The following SGK1 variants were observed in gnomAD, a reference collection of about 807,000 sequenced individuals.
The protein encoded by SGK1 is serine/threonine-protein kinase Sgk1.
In SGK1, 26 loss-of-function variants were observed where a neutral mutation model predicts 64.2. The observed-to-expected ratio is 0.40, with a 90% confidence interval of 0.30 to 0.56. SGK1 has a LOEUF of 0.56. Among genes scored for constraint, SGK1 ranks in the 20% least tolerant of loss-of-function variants. The pLI, the probability that SGK1 is intolerant of heterozygous loss-of-function variation, is 0.38. For missense variants in SGK1, 519 were observed against 645.6 expected (o/e 0.80, Z 2.12); for synonymous variants, 265 against 239.7 (o/e 1.11, Z -0.98).
chr6:134,242,737 T>C (rs906976170), intron 2 of SGK1, among the ~76,000 whole-genome samples: 2 of 152,160 alleles, frequency 1.3e-5, no homozygotes, highest in Non-Finnish European at 2.9e-5. Context: ...AGTGTTGGGA[T>C]TACAGGCGTG....
rs745773924 is a variant in SGK1 at position 134,317,433 on chromosome 6, G to A, written c.28C>T (p.Pro10Ser). ...TGGAAGGCTGAGCATTTCTTGACTGGGAATCCATTCATGTCTTTGTTTACC... is the reference window on the plus strand; with the variant it reads ...TGGAAGGCTGAGCATTTCTTGACTGAGAATCCATTCATGTCTTTGTTTACC... MVNKDMNGF[P>S]VKKCSAFQFF... is the part of the protein sequence containing the mutation. Residue 10 changes from proline (P) to serine (S), a missense_variant, in exon 1 of 14, where the codon CCA becomes TCA. By Grantham distance (74) the Pro-to-Ser change is moderately conservative. This residue lies in a region of SGK1 where 241 missense variants were observed against 236.9 expected (regional missense o/e 1.02). Transcript: ENST00000367858. The A allele has an allele frequency of 1.2e-6, 2 of 1,610,810 alleles. No homozygotes were observed. Among genetic ancestry groups the A allele is most frequent in the Non-Finnish European group, 1.7e-6 (2 of 1,176,944 alleles).
chr6:134,291,124 G>C (rs1008783247), intron 1 of SGK1, among the ~76,000 whole-genome samples: 2 of 152,096 alleles, frequency 1.3e-5, no homozygotes, highest in African/African-American at 4.8e-5. Flanking sequence ...TTGCATATTA[G>C]ATACTGAGCT....
rs150628142 is a variant in SGK1 at position 134,178,757 on chromosome 6, C to T, written c.362-4171G>A. 7.0e-3 allele frequency among the ~76,000 whole-genome samples: 1,072 copies of T among 152,324 alleles called. 15 individuals are homozygous for T. Among genetic ancestry groups the T allele is most frequent in the African/African-American group, 0.025 (1,033 of 41,554 alleles). On this transcript the variant is annotated intron_variant, in intron 3 of 13. Coordinates refer to ENST00000367858, the MANE Select transcript of SGK1 (RefSeq NM_001143676.3). ...TGGTCCAGGGAATTTCTCTACAACA[C>T]CTTGTGCAGTCATAGAAAATATAGA...
chr6:134,317,215 C>T (rs1777699811), intron 1 of SGK1, among the ~76,000 whole-genome samples, 177 bp downstream of exon 1: 2 of 152,234 alleles, frequency 1.3e-5, no homozygotes, highest in East Asian at 3.9e-4. Flanking sequence ...GCCCCCTGCC[C>T]CTCCTCCAAC....
In SGK1 at chr6:134,191,980, G is replaced by A. The variant is rs541286898; in HGVS notation, c.361+15376C>T. On this transcript the variant is annotated intron_variant, in intron 3 of 13. Transcript: ENST00000367858. ...CTCCCAAGTAGCTGGGACGGGGCCC[G>A]CCACCATGCCCAGCTAATTTTTGTA... is the stretch of plus-strand genomic sequence containing the variant. Among the ~76,000 whole-genome samples the A allele has an allele frequency of 5.9e-5, 9 of 151,846 alleles. No homozygotes were observed. The East Asian group carries it at 1.4e-3, about 23-fold the overall frequency.
At chr6:134,204,835 TGA>T (rs1317241935) in intron 3 of SGK1, among the ~76,000 whole-genome samples, 10 of 152,216 alleles carry the variant, frequency 6.6e-5, no homozygotes, top group Non-Finnish European at 1.3e-4. Context: ...ATTGCAGGCA[TGA>T]GCCACCACAC....
At position 134,169,657 on chromosome 6, in the gene SGK1, A is replaced by G. The variant is rs759800888; in HGVS notation, c.*611T>C. The G allele has an allele frequency of 6.5e-6, 1 of 152,696 alleles. No homozygotes were observed. The highest frequency in any genetic ancestry group is 2.4e-5 in the African/African-American group (1 of 41,466). 9.5% of individuals were successfully genotyped at this position (152,696 alleles called of 1,614,324 possible). ...TACGAGTCATTGCAAGACCATTTCA[A>G]TAAATTTTAGTTATTAACCGTATCT... On this transcript the variant is annotated 3_prime_UTR_variant, in exon 14 of 14. Coordinates refer to ENST00000367858, the MANE Select transcript of SGK1 (RefSeq NM_001143676.3).
At chr6:134,208,822 GTATATA>G (rs998849345) in intron 2 of SGK1, among the ~76,000 whole-genome samples, 4 of 148,908 alleles carry the variant, frequency 2.7e-5, no homozygotes, top group African/African-American at 1.0e-4. Context: ...ATACACGCAT[GTATATA>G]TATGTATGTG....
At chr6:134,248,837 G>A (rs754718120) in intron 2 of SGK1, among the ~76,000 whole-genome samples, 6 of 152,070 alleles carry the variant, frequency 3.9e-5, no homozygotes, top group Non-Finnish European at 7.4e-5. Flanking sequence ...ATAATCCATT[G>A]CCTCACATCC....
At chr6:134,213,393 C>T (rs1775923366) in intron 2 of SGK1, among the ~76,000 whole-genome samples, 1 of 151,864 alleles carries the variant, frequency 6.6e-6, no homozygotes, top group Non-Finnish European at 1.5e-5. Flanking sequence ...TGGTGGCGCA[C>T]ACCTGTAATC....
intron 1 of SGK1, among the ~76,000 whole-genome samples, chr6:134,305,771 C>T (rs1777526364): frequency 1.3e-5 from 2 of 152,120 alleles, no homozygotes; most frequent in South Asian, 4.1e-4. Flanking sequence ...CTCAGCCTCC[C>T]AAAGTGCTGG....
chr6:134,186,851 G>C (rs1775431445), intron 3 of SGK1, among the ~76,000 whole-genome samples: 1 of 150,648 alleles, frequency 6.6e-6, no homozygotes, highest in Admixed American at 6.6e-5. Context: ...CAGTCTCACT[G>C]TGTCGCCCAG....
At chr6:134,279,694 A>G (rs1367209657) in intron 1 of SGK1, among the ~76,000 whole-genome samples, 1 of 152,110 alleles carries the variant, frequency 6.6e-6, no homozygotes, top group Non-Finnish European at 1.5e-5. Flanking sequence ...AATTTCATAC[A>G]TGAAATTTTA....
At chr6:134,192,153 T>C (rs1405407780) in intron 3 of SGK1, among the ~76,000 whole-genome samples, 1 of 150,962 alleles carries the variant, frequency 6.6e-6, no homozygotes, top group Non-Finnish European at 1.5e-5. Context: ...TTTATAGAGA[T>C]GGGGTTTTGC....
intron 2 of SGK1, among the ~76,000 whole-genome samples, chr6:134,244,929 C>T (rs1399185008): frequency 6.6e-6 from 1 of 152,184 alleles, no homozygotes; most frequent in African/African-American, 2.4e-5. Context: ...GCACCCACCA[C>T]CATGCCCAGC....
chr6:134,291,060 A>G (rs931852947), intron 1 of SGK1, among the ~76,000 whole-genome samples: 8 of 152,126 alleles, frequency 5.3e-5, no homozygotes, highest in Non-Finnish European at 8.8e-5. Flanking sequence ...AGGGTTTGCA[A>G]TGAATTCAGT....
At chr6:134,256,604 C>T (rs141014108) in intron 2 of SGK1, among the ~76,000 whole-genome samples, 7 of 152,244 alleles carry the variant, frequency 4.6e-5, no homozygotes, top group Admixed American at 1.3e-4. Flanking sequence ...TCAGCATACA[C>T]CTCTCGAAAA....
intron 4 of SGK1, chr6:134,174,292 C>A (rs1260085588): frequency 5.0e-6 from 3 of 600,344 alleles, no homozygotes; most frequent in Non-Finnish European, 8.8e-6. Context: ...GCCGTGAATT[C>A]GGCCAACACG....
chr6:134,300,260 G>A (rs894595484), intron 1 of SGK1, among the ~76,000 whole-genome samples: 10 of 151,098 alleles, frequency 6.6e-5, no homozygotes, highest in Non-Finnish European at 1.2e-4. Flanking sequence ...GGTGGCAGGC[G>A]GGGCGCAATG....
Sources: allele counts gnomAD v4.1 joint callset (sites outside exome capture counted in the v4.1 genomes callset), GRCh38; gene constraint gnomAD v4.1.1; regional missense constraint gnomAD v4.1.1; transcripts MANE v1.5; gene names NCBI Gene and HGNC (gene_info 2026-07-23, HGNC 2026-07-21).